Variants in NR2C1 observed in about 807,000 individuals in gnomAD.
The protein encoded by NR2C1 is TR2 nuclear hormone receptor.
In NR2C1, 33 loss-of-function variants were observed where a neutral mutation model predicts 74.8. The observed-to-expected ratio is 0.44, with a 90% confidence interval of 0.33 to 0.59. The LOEUF is 0.59. NR2C1 is among the 20% of genes least tolerant of loss of function. The pLI is 0.02. For synonymous variants in NR2C1, 225 were observed against 240.6 expected, an observed-to-expected ratio of 0.94 and a Z score of 0.60; for missense variants, 568 against 715.6, an observed-to-expected ratio of 0.79 and a Z score of 2.35.
intron 9 of NR2C1, among the ~76,000 whole-genome samples, chr12:95,044,687 T>C (rs1033189589): frequency 3.3e-5 from 5 of 152,016 alleles, no homozygotes; most frequent in African/African-American, 7.2e-5. Flanking sequence ...TGAGTTAGCA[T>C]GGGCAACATG....
chr12:95,046,471 T>G (rs1405120976), intron 9 of NR2C1, among the ~76,000 whole-genome samples: 2 of 152,144 alleles, frequency 1.3e-5, no homozygotes, highest in African/African-American at 4.8e-5. Flanking sequence ...GCCTGTGGTC[T>G]CAGCAACATG....
chr12:95,067,507 G>T, intron 1 of NR2C1, 116 bp from the exon 2 acceptor site: 2 of 809,290 alleles, frequency 2.5e-6, no homozygotes, highest in Non-Finnish European at 3.9e-6. Flanking sequence ...TAGTTAAGGT[G>T]GGAGGGTTGG....
chr12:95,027,563 T>G (rs1271301070), intron 12 of NR2C1, among the ~76,000 whole-genome samples: 1 of 152,004 alleles, frequency 6.6e-6, no homozygotes. Context: ...ATAGTGAAAC[T>G]TGTCTCTACT....
intron 11 of NR2C1, chr12:95,030,328 C>T (rs1048398182): frequency 8.3e-6 from 5 of 602,702 alleles, no homozygotes; most frequent in Non-Finnish European, 9.4e-6. Context: ...AAACCATCTA[C>T]ATGTTTCACT....
At chr12:95,029,500 T>C (rs778857822) in intron 11 of NR2C1, among the ~76,000 whole-genome samples, 7 of 151,838 alleles carry the variant, frequency 4.6e-5, no homozygotes, top group Non-Finnish European at 1.0e-4. Context: ...GCACTTGGCT[T>C]GTTAAAAAAA....
Position 95,025,175 on chromosome 12 carries a change from T to C in NR2C1, c.1612A>G (p.Lys538Glu). 1.3e-6 allele frequency: 2 copies of C among 1,581,526 alleles called. No homozygotes were observed. Among genetic ancestry groups the C allele is most frequent in the Non-Finnish European group, 1.7e-6 (2 of 1,152,656 alleles). ...AYVEFQDYIT[K>E]TYPDDTYRLS... Reference sequence around the variant, plus strand: ...CTGTAGGTGTCATCTGGATATGTTTTGGTTATATAATCTTGGAATTCCACA... The same window carrying C: ...CTGTAGGTGTCATCTGGATATGTTTCGGTTATATAATCTTGGAATTCCACA... The change falls in exon 13 of 14, where the codon AAA becomes GAA. Residue 538 changes from lysine to glutamate, a missense_variant. This residue lies in a region of NR2C1 where 117 missense variants were observed against 186.7 expected (regional missense o/e 0.63). Transcript: ENST00000333003.
chr12:95,053,658 C>A lies in NR2C1; in HGVS notation c.784-1715G>T, dbSNP rs2136163829. On this transcript the variant is annotated intron_variant, in intron 7 of 13. Coordinates refer to ENST00000333003, the MANE Select transcript of NR2C1 (RefSeq NM_003297.4). ...AATGGTATCTTCTTATTAATACTTT[C>A]TTCATGGTTTTTTCTTTTTGGTGTT... Among the ~76,000 whole-genome samples the A allele has an allele frequency of 2.8e-5, 4 of 144,490 alleles. 1 individual carries two copies. In the Middle Eastern group the frequency reaches 0.015, roughly 527 times the overall value. The allele number at this position is 144,490 out of a possible 152,430, so 94.8% of individuals were successfully genotyped here.
At chr12:95,066,418 A>G (rs566568817) in intron 2 of NR2C1, among the ~76,000 whole-genome samples, 2 of 152,306 alleles carry the variant, frequency 1.3e-5, no homozygotes, top group South Asian at 2.1e-4. Flanking sequence ...TTTCTTCACC[A>G]TATATATACA....
chr12:95,047,549 C>T (rs1592756333), intron 9 of NR2C1, among the ~76,000 whole-genome samples: 1 of 152,158 alleles, frequency 6.6e-6, no homozygotes. Flanking sequence ...ACTTTGCACT[C>T]ATAACTTCTA....
At chr12:95,067,507 G>A (rs926312311) in intron 1 of NR2C1, 116 bp from the exon 2 acceptor site, 5 of 809,190 alleles carry the variant, frequency 6.2e-6, no homozygotes, top group African/African-American at 1.8e-5. Context: ...TAGTTAAGGT[G>A]GGAGGGTTGG....
chr12:95,065,220 T>C (rs1875481040), intron 2 of NR2C1, among the ~76,000 whole-genome samples: 1 of 152,132 alleles, frequency 6.6e-6, no homozygotes, highest in Non-Finnish European at 1.5e-5. Flanking sequence ...TTTACTCTTG[T>C]TGCCCAGGCT....
rs145820828 is a variant in NR2C1 at position 95,024,133 on chromosome 12, A to G, written c.1637+1017T>C. ...GATATTTAAGATGAGACTGGCTTAT[A>G]AATCTACATTATTTAATATATGTAA... On this transcript the variant is annotated intron_variant, in intron 13 of 13. Transcript: ENST00000333003. Among the ~76,000 whole-genome samples, 8 of 152,336 alleles carry G rather than the reference A, an allele frequency of 5.3e-5. No homozygotes were observed. The East Asian group carries it at 1.5e-3, about 29-fold the overall frequency.
chr12:95,051,489 A>G (rs1397458563), intron 8 of NR2C1, among the ~76,000 whole-genome samples: 1 of 152,168 alleles, frequency 6.6e-6, no homozygotes, highest in Non-Finnish European at 1.5e-5. Context: ...GGATTTTTGC[A>G]TATTCTCTTC....
intron 10 of NR2C1, 33 bp downstream of exon 10, chr12:95,040,443 T>A: frequency 1.3e-6 from 2 of 1,574,572 alleles, no homozygotes; most frequent in Non-Finnish European, 1.7e-6. Context: ...CACTACAAAA[T>A]CACATTTATA....
At chr12:95,050,589 A>C (rs1037136027) in intron 8 of NR2C1, among the ~76,000 whole-genome samples, 1 of 151,920 alleles carries the variant, frequency 6.6e-6, no homozygotes, top group African/African-American at 2.4e-5. Context: ...GATTACAGGC[A>C]TACGCCACCG....
At chr12:95,029,428 T>G (rs1253838703) in intron 11 of NR2C1, among the ~76,000 whole-genome samples, 1 of 152,188 alleles carries the variant, frequency 6.6e-6, no homozygotes, top group Non-Finnish European at 1.5e-5. Flanking sequence ...ATGAATTATT[T>G]TCTCATGGTA....
chr12:95,027,613 G>A (rs1431529505), intron 12 of NR2C1, among the ~76,000 whole-genome samples: 1 of 152,088 alleles, frequency 6.6e-6, no homozygotes, highest in African/African-American at 2.4e-5. Flanking sequence ...GTACATGCCT[G>A]TAATCCCAGC....
chr12:95,025,083 AATGAG>A, intron 13 of NR2C1, 62 bp downstream of exon 13: 1 of 664,658 alleles, frequency 1.5e-6, no homozygotes, highest in South Asian at 2.4e-5. Context: ...GAGTAGTAAT[AATGAG>A]ATAACAGATC....
At chr12:95,052,434 G>A (rs776802151) in intron 7 of NR2C1, among the ~76,000 whole-genome samples, 7 of 152,152 alleles carry the variant, frequency 4.6e-5, no homozygotes, top group East Asian at 1.9e-4. Context: ...GATTACAGGC[G>A]TGGGCCATCG....
Sources: gnomAD v4.1 joint callset for allele counts (sites outside exome capture counted in the v4.1 genomes callset) on GRCh38, gnomAD v4.1.1 for gene constraint, gnomAD v4.1.1 regional missense constraint, MANE v1.5 for transcripts, NCBI Gene and HGNC (gene_info 2026-07-23, HGNC 2026-07-21) for gene names.